Variants in IL23R observed in about 807,000 individuals in gnomAD.
IL23R encodes the protein interleukin-23 receptor.
In IL23R, 34 loss-of-function variants were observed where a neutral mutation model predicts 56.9. That is an observed-to-expected ratio of 0.60 (90% CI 0.45 to 0.80). The LOEUF (loss-of-function observed/expected upper bound fraction) is 0.80, where lower values mean the gene tolerates loss of function less well. IL23R is among the 30% of genes least tolerant of loss of function. The pLI is 0.00. For synonymous variants in IL23R, 230 were observed against 249.2 expected (o/e 0.92, Z 0.73); for missense variants, 635 against 730.0 (o/e 0.87, Z 1.50).
intron 9 of IL23R, among the ~76,000 whole-genome samples, chr1:67,249,525 A>G (rs530401993): frequency 1.3e-5 from 2 of 152,174 alleles, no homozygotes; most frequent in African/African-American, 2.4e-5. Flanking sequence ...TAATAACCTT[A>G]ATTATGATTG....
At chr1:67,248,721 G>A (rs538947539) in intron 9 of IL23R, among the ~76,000 whole-genome samples, 4 of 152,180 alleles carry the variant, frequency 2.6e-5, no homozygotes, top group South Asian at 4.2e-4. Flanking sequence ...CAGCTTTTTT[G>A]TGCTGGTTTC....
Position 67,258,808 on chromosome 1 carries a change from T to A in IL23R, c.1570T>A (p.Leu524Ile). 1.2e-6 allele frequency: 2 copies of A among 1,612,044 alleles called. No homozygotes were observed. Among genetic ancestry groups the A allele is most frequent in the Non-Finnish European group, 1.7e-6 (2 of 1,178,390 alleles). ...DSLDSGNNPR[L>I]QKHPNFAFSV... is the part of the protein sequence containing the mutation. ...CTTAGACTCAGGAAATAATCCCAGGTTACAAAAGCATCCTAATTTTGCTTT... is the reference window on the plus strand; with the variant it reads ...CTTAGACTCAGGAAATAATCCCAGGATACAAAAGCATCCTAATTTTGCTTT... Residue 524 changes from leucine to isoleucine, a missense_variant, in exon 11 of 11, where the codon TTA becomes ATA. Leu to Ile is a conservative substitution (Grantham distance 5). Transcript: ENST00000347310.
chr1:67,237,040 ATTTAT>A (rs1320057989), intron 8 of IL23R, among the ~76,000 whole-genome samples: 1 of 151,920 alleles, frequency 6.6e-6, no homozygotes, highest in Non-Finnish European at 1.5e-5. Context: ...TAAAATTTTT[ATTTAT>A]TTTATTTTAT....
At chr1:67,200,406 T>G (rs1396694093) in intron 4 of IL23R, among the ~76,000 whole-genome samples, 2 of 151,514 alleles carry the variant, frequency 1.3e-5, no homozygotes, top group Non-Finnish European at 2.9e-5. Flanking sequence ...TCTTTTTTTT[T>G]TTTTTGAGAC....
intron 8 of IL23R, among the ~76,000 whole-genome samples, chr1:67,237,773 C>T (rs941131693): frequency 6.6e-6 from 1 of 152,174 alleles, no homozygotes; most frequent in Non-Finnish European, 1.5e-5. Context: ...GACTATTTCA[C>T]CATTGACCAC....
chr1:67,149,442 G>T (rs933632457), intron 1 of IL23R, among the ~76,000 whole-genome samples: 1 of 151,962 alleles, frequency 6.6e-6, no homozygotes, highest in African/African-American at 2.4e-5. Flanking sequence ...GCTTCTCCTT[G>T]GCTCTTAATC....
chr1:67,193,926 T>C (rs1252702275), intron 4 of IL23R, among the ~76,000 whole-genome samples: 1 of 152,222 alleles, frequency 6.6e-6, no homozygotes, highest in Non-Finnish European at 1.5e-5. Flanking sequence ...TCATGACCTG[T>C]GCTTTTGACC....
intron 8 of IL23R, among the ~76,000 whole-genome samples, chr1:67,237,159 C>T (rs923984456): frequency 1.3e-5 from 2 of 152,202 alleles, no homozygotes; most frequent in African/African-American, 4.8e-5. Flanking sequence ...TCTGCTGCCT[C>T]AGCCTTCTGA....
At chr1:67,138,854 T>G (rs1327206159), upstream of IL23R, 2 of 152,220 alleles carry the variant, frequency 1.3e-5, no homozygotes, top group African/African-American at 4.8e-5. Flanking sequence ...GTTAGGCCAA[T>G]GAGATCACAA....
chr1:67,140,464 G>A (rs1646626479), intron 1 of IL23R, among the ~76,000 whole-genome samples: 1 of 152,118 alleles, frequency 6.6e-6, no homozygotes, highest in Non-Finnish European at 1.5e-5. Context: ...TATATTTGAT[G>A]TTCAATGACA....
At position 67,227,974 on chromosome 1, in the gene IL23R, CTT is replaced by C. The variant is rs1191596095; in HGVS notation, c.955+8246_955+8247del. Among the ~76,000 whole-genome samples the C allele has an allele frequency of 1.7e-4, 15 of 88,036 alleles. 2 individuals are homozygous for C. The highest frequency in any genetic ancestry group is 1.3e-3 in the Admixed American group (10 of 7,448). 57.8% of individuals were successfully genotyped at this position (88,036 alleles called of 152,430 possible). A position where few individuals can be genotyped will look rare whatever the true frequency, so the allele number is the denominator to read the frequency against. ...TCTTTCTTTCTTTCTTTCTTTCTTTCTTTCTTTCTTTCTTTCTTTCTTTCTTT... is the reference window on the plus strand; with the variant it reads ...TCTTTCTTTCTTTCTTTCTTTCTTTCTCTTTCTTTCTTTCTTTCTTTCTTT... On this transcript the variant is annotated intron_variant, in intron 7 of 10. Coordinates refer to ENST00000347310, the MANE Select transcript of IL23R (RefSeq NM_144701.3).
chr1:67,218,415 A>T (rs369479796), intron 6 of IL23R, among the ~76,000 whole-genome samples: 1 of 150,776 alleles, frequency 6.6e-6, no homozygotes, highest in African/African-American at 2.4e-5. Flanking sequence ...ATAACCTGCA[A>T]TGAGGACCAA....
At chr1:67,228,527 TC>T (rs958049283) in intron 7 of IL23R, among the ~76,000 whole-genome samples, 2 of 151,884 alleles carry the variant, frequency 1.3e-5, no homozygotes, top group African/African-American at 4.8e-5. Flanking sequence ...GAAGTCATCA[TC>T]TTCTATATTA....
chr1:67,225,543 G>A (rs190141429), intron 7 of IL23R, among the ~76,000 whole-genome samples: 7 of 145,826 alleles, frequency 4.8e-5, no homozygotes, highest in Admixed American at 1.4e-4. Context: ...ATACAGTCTC[G>A]CTCTGTCACC....
intron 1 of IL23R, among the ~76,000 whole-genome samples, 153 bp from the exon 2 acceptor site, chr1:67,167,939 G>GTT (rs1250709610): frequency 1.3e-5 from 2 of 149,368 alleles, no homozygotes; most frequent in Non-Finnish European, 1.5e-5. Context: ...TCTTTGCTCT[G>GTT]TTTCCTTCCT....
chr1:67,206,789 A>G (rs1376561988), intron 5 of IL23R, 121 bp from the exon 6 acceptor site: 5 of 1,116,348 alleles, frequency 4.5e-6, no homozygotes, highest in Non-Finnish European at 6.3e-6. Context: ...TCATTAGACC[A>G]TGAATTTTAT....
chr1:67,160,662 A>C (rs1170669898), intron 1 of IL23R, among the ~76,000 whole-genome samples: 3 of 152,198 alleles, frequency 2.0e-5, no homozygotes, highest in Non-Finnish European at 2.9e-5. Context: ...CACCTTGATC[A>C]TGTGAACTCT....
chr1:67,204,769 AT>A (rs5774856), intron 5 of IL23R, among the ~76,000 whole-genome samples: 2,156 of 143,736 alleles, frequency 0.015, 43 homozygotes, highest in African/African-American at 0.043. Context: ...CTCAATACTG[AT>A]TTTTTTTTTT....
intron 5 of IL23R, among the ~76,000 whole-genome samples, chr1:67,205,893 TTCTTTCTTTC>T (rs946032135): frequency 6.5e-5 from 8 of 123,836 alleles, no homozygotes; most frequent in African/African-American, 2.2e-4. Flanking sequence ...CTTTCTTTCT[TTCTTTCTTTC>T]TTTCTTTCTT....
Sources: allele counts gnomAD v4.1 joint callset (sites outside exome capture counted in the v4.1 genomes callset), GRCh38; gene constraint gnomAD v4.1.1; transcripts MANE v1.5; gene names NCBI Gene and HGNC (gene_info 2026-07-23, HGNC 2026-07-21).